The following SEZ6L variants were observed in gnomAD, a reference collection of about 807,000 sequenced individuals.
The protein encoded by SEZ6L is seizure related 6 homolog like.
A neutral mutation model predicts 106.2 loss-of-function variants in SEZ6L; 37 were observed. The observed-to-expected ratio is 0.35, with a 90% CI of 0.27 to 0.46. The LOEUF is 0.46. SEZ6L is among the 20% of genes least tolerant of loss of function. The pLI, the probability that SEZ6L is intolerant of heterozygous loss-of-function variation, is 1.00. For synonymous variants in SEZ6L, 541 were observed against 570.4 expected (o/e 0.95, Z 0.73); for missense variants, 1,172 against 1,332.8 (o/e 0.88, Z 1.88).
rs144528997 is a variant in SEZ6L at position 26,256,028 on chromosome 22, A to C, written c.95-36378A>C. Among the ~76,000 whole-genome samples, 229 of 152,302 alleles carry C rather than the reference A, an allele frequency of 1.5e-3. 1 individual carries two copies. Among genetic ancestry groups the C allele is most frequent in the Non-Finnish European group, 2.5e-3 (172 of 68,020 alleles). On this transcript the variant is annotated intron_variant, in intron 1 of 16. Coordinates refer to ENST00000248933, the MANE Select transcript of SEZ6L (RefSeq NM_021115.5). ...TCAAAGGAAGATTAGGAAGGAAGGG[A>C]AGGAAGAGGAAGAGAGTTCTATGTA...
chr22:26,334,491 G>A (rs1468068196), intron 9 of SEZ6L, among the ~76,000 whole-genome samples: 4 of 152,270 alleles, frequency 2.6e-5, no homozygotes, highest in East Asian at 1.9e-4. Flanking sequence ...TAATAACTCC[G>A]CTGCACAAAT....
chr22:26,207,355 C>T (rs778007660), intron 1 of SEZ6L, among the ~76,000 whole-genome samples: 2 of 152,200 alleles, frequency 1.3e-5, no homozygotes, highest in Admixed American at 6.5e-5. Flanking sequence ...GTTGCTTCAT[C>T]ACCTGAAGCA....
intron 9 of SEZ6L, among the ~76,000 whole-genome samples, 193 bp downstream of exon 9, chr22:26,314,095 C>CACAGGG (rs1491457169): frequency 7.3e-6 from 1 of 136,224 alleles, no homozygotes. Context: ...CACACACACA[C>CACAGGG]AGAGAGAGAG....
chr22:26,315,243 G>C (rs553106394), intron 9 of SEZ6L, among the ~76,000 whole-genome samples: 62 of 152,310 alleles, frequency 4.1e-4, no homozygotes, highest in African/African-American at 1.4e-3. Flanking sequence ...ACTTCGGGAG[G>C]TTGAGGCAGG....
chr22:26,185,462 CAT>C (rs1341567060), intron 1 of SEZ6L, among the ~76,000 whole-genome samples: 1 of 152,154 alleles, frequency 6.6e-6, no homozygotes, highest in Non-Finnish European at 1.5e-5. Context: ...TGGGCTGAAT[CAT>C]AGTTTCCAAA....
intron 1 of SEZ6L, among the ~76,000 whole-genome samples, chr22:26,213,925 A>AAAAAAG (rs1210639677): frequency 6.6e-6 from 1 of 152,242 alleles, no homozygotes; most frequent in Non-Finnish European, 1.5e-5. Context: ...TGTCTCTTAA[A>AAAAAAG]AAAAAGAAAA....
chr22:26,174,270 C>T lies in SEZ6L; in HGVS notation c.94+4507C>T, dbSNP rs572936915. Among the ~76,000 whole-genome samples, 9 of 152,204 alleles carry T rather than the reference C, an allele frequency of 5.9e-5. No homozygotes were observed. In the South Asian group the frequency reaches 1.9e-3, roughly 32 times the overall value. Reference sequence around the variant, plus strand: ...GGCCCTGAAGGGGATAGGACAGGTACCAGCAGCCAGAGGAGAAATTTCTAC... The same window carrying T: ...GGCCCTGAAGGGGATAGGACAGGTATCAGCAGCCAGAGGAGAAATTTCTAC... On this transcript the variant is annotated intron_variant, in intron 1 of 16. Coordinates refer to ENST00000248933, the MANE Select transcript of SEZ6L (RefSeq NM_021115.5).
chr22:26,347,959 T>G (rs1180292837), intron 11 of SEZ6L, 46 bp downstream of exon 11: 2 of 1,478,698 alleles, frequency 1.4e-6, no homozygotes, highest in Non-Finnish European at 1.8e-6. Flanking sequence ...GGGTGGCAAA[T>G]CCCTTCTAGG....
At chr22:26,377,619 T>TA (rs1410710701) in intron 15 of SEZ6L, 54 bp from the exon 16 acceptor site, 2 of 1,417,548 alleles carry the variant, frequency 1.4e-6, no homozygotes, top group Non-Finnish European at 2.0e-6. Context: ...TTCAATATTG[T>TA]AATGTTTCTC....
At chr22:26,237,719 G>T (rs779105728) in intron 1 of SEZ6L, among the ~76,000 whole-genome samples, 30 of 152,206 alleles carry the variant, frequency 2.0e-4, no homozygotes, top group Non-Finnish European at 4.3e-4. Flanking sequence ...ATGATGAAAT[G>T]GTTAGGGCTA....
intron 1 of SEZ6L, among the ~76,000 whole-genome samples, chr22:26,254,924 C>A (rs905449814): frequency 1.6e-4 from 24 of 152,102 alleles, no homozygotes; most frequent in African/African-American, 5.8e-4. Flanking sequence ...AATTTGAGGG[C>A]TGTTTCCTGT....
chr22:26,340,358 C>T, intron 9 of SEZ6L, 78 bp from the exon 10 acceptor site: 1 of 1,374,098 alleles, frequency 7.3e-7, no homozygotes, highest in Non-Finnish European at 1.0e-6. Flanking sequence ...TTTTGTATTG[C>T]CTGAAAAAGT....
At chr22:26,305,728 T>C (rs896357686) in intron 5 of SEZ6L, among the ~76,000 whole-genome samples, 1 of 152,220 alleles carries the variant, frequency 6.6e-6, no homozygotes, top group African/African-American at 2.4e-5. Flanking sequence ...ATGGTTCCAA[T>C]TGTAGGGTGA....
chr22:26,269,234 C>T (rs994856963), intron 1 of SEZ6L, among the ~76,000 whole-genome samples: 5 of 152,250 alleles, frequency 3.3e-5, no homozygotes, highest in East Asian at 3.9e-4. Context: ...GGTAAGTGTG[C>T]GAACACCTTG....
intron 12 of SEZ6L, among the ~76,000 whole-genome samples, chr22:26,362,105 C>T (rs369374529): frequency 6.6e-6 from 1 of 152,140 alleles, no homozygotes; most frequent in Admixed American, 6.5e-5. Flanking sequence ...CCCCAAGGCA[C>T]GCTCTGCAGG....
chr22:26,368,273 A>G (rs776918742), intron 13 of SEZ6L, among the ~76,000 whole-genome samples: 2 of 152,202 alleles, frequency 1.3e-5, no homozygotes, highest in African/African-American at 2.4e-5. Flanking sequence ...AAGAAGTGAA[A>G]CAGGTATTTA....
intron 1 of SEZ6L, among the ~76,000 whole-genome samples, chr22:26,261,346 A>C (rs2079999046): frequency 6.6e-6 from 1 of 152,190 alleles, no homozygotes; most frequent in Non-Finnish European, 1.5e-5. Flanking sequence ...TGTATCTTCT[A>C]GAAGTTTTAT....
At chr22:26,280,271 CAT>C (rs10541471) in intron 1 of SEZ6L, among the ~76,000 whole-genome samples, 82,390 of 151,674 alleles carry the variant, frequency 0.54, 24,183 homozygotes, top group African/African-American at 0.72. Flanking sequence ...CATTTATACA[CAT>C]ATATATATAC....
At chr22:26,299,317 GT>G (rs1308500367) in intron 5 of SEZ6L, 148 bp downstream of exon 5, 5 of 566,706 alleles carry the variant, frequency 8.8e-6, no homozygotes, top group African/African-American at 7.8e-5. Context: ...TGTTATTTAT[GT>G]TTTTATTGGA....
Sources: gnomAD v4.1 joint callset for allele counts (sites outside exome capture counted in the v4.1 genomes callset) on GRCh38, gnomAD v4.1.1 for gene constraint, MANE v1.5 for transcripts, NCBI Gene and HGNC (gene_info 2026-07-23, HGNC 2026-07-21) for gene names.